The following FOXO3 variants were observed in gnomAD, a reference collection of about 807,000 sequenced individuals.
FOXO3 encodes forkhead box protein O3.
Under a neutral mutation model 41.9 loss-of-function variants are expected in FOXO3, and 4 were observed. The observed-to-expected ratio is 0.10, with a 90% CI of 0.05 to 0.22. The LOEUF is 0.22. FOXO3 is among the 10% of genes least tolerant of loss of function. The pLI, the probability that FOXO3 is intolerant of heterozygous loss-of-function variation, is 1.00. For synonymous variants in FOXO3, 318 were observed against 389.3 expected (o/e 0.82, Z 2.16); for missense variants, 534 against 906.8 (o/e 0.59, Z 5.28).
chr6:108,658,977 C>T lies in FOXO3; in HGVS notation c.622-4478C>T, dbSNP rs1224895757. Among the ~76,000 whole-genome samples, 3 of 152,244 alleles carry T rather than the reference C, an allele frequency of 2.0e-5. No individual in the cohort carries two copies. The South Asian group carries it at 6.2e-4, about 32-fold the overall frequency. The stretch of plus-strand genomic sequence containing the variant: ...ACAGCTCACTGCAGCCTCAGCCTCC[C>T]AGGCACAAGTGATCCTCCCACCTCA... On this transcript the variant is annotated intron_variant, in intron 1 of 2. Coordinates refer to ENST00000406360, the MANE Select transcript of FOXO3 (RefSeq NM_001455.4).
At chr6:108,579,005 T>A (rs1776337814) in intron 1 of FOXO3, among the ~76,000 whole-genome samples, 1 of 152,214 alleles carries the variant, frequency 6.6e-6, no homozygotes, top group Non-Finnish European at 1.5e-5. Flanking sequence ...GCTAGCTATA[T>A]CAAACCTAGC....
chr6:108,594,431 A>G (rs1776817544), intron 1 of FOXO3, among the ~76,000 whole-genome samples: 1 of 152,168 alleles, frequency 6.6e-6, no homozygotes, highest in Non-Finnish European at 1.5e-5. Context: ...TCTTATTTGT[A>G]GAATAAAGGT....
chr6:108,672,166 G>C (rs562450660), intron 2 of FOXO3, among the ~76,000 whole-genome samples: 2 of 152,206 alleles, frequency 1.3e-5, no homozygotes, highest in South Asian at 4.1e-4. Context: ...GCCACTCAGA[G>C]AGATAAAGAG....
At chr6:108,618,592 G>A (rs775217267) in intron 1 of FOXO3, among the ~76,000 whole-genome samples, 3 of 152,234 alleles carry the variant, frequency 2.0e-5, no homozygotes, top group African/African-American at 4.8e-5. Context: ...CTTATCTGCC[G>A]TAAGGCAGTA....
At chr6:108,568,653 G>A (rs1336571517) in intron 1 of FOXO3, among the ~76,000 whole-genome samples, 2 of 152,114 alleles carry the variant, frequency 1.3e-5, no homozygotes, top group African/African-American at 4.8e-5. Context: ...CTTAGTTCTG[G>A]GGCTGTGACT....
intron 1 of FOXO3, among the ~76,000 whole-genome samples, chr6:108,610,129 T>TA (rs1298285662): frequency 1.3e-5 from 2 of 152,226 alleles, no homozygotes; most frequent in Admixed American, 6.5e-5. Flanking sequence ...AATGGCTATT[T>TA]AAAATCGTTG....
At chr6:108,601,553 C>G (rs561786212) in intron 1 of FOXO3, among the ~76,000 whole-genome samples, 1 of 152,208 alleles carries the variant, frequency 6.6e-6, no homozygotes, top group African/African-American at 2.4e-5. Flanking sequence ...ATCCACCTGC[C>G]TTGGCCTCCC....
chr6:108,581,110 G>A (rs1217339498), intron 1 of FOXO3, among the ~76,000 whole-genome samples: 1 of 152,214 alleles, frequency 6.6e-6, no homozygotes, highest in Non-Finnish European at 1.5e-5. Context: ...ATCATCTTTT[G>A]TTGAACAGCG....
rs1333454644 is a variant in FOXO3 at position 108,681,323 on chromosome 6, T to G, written c.*1531T>G. On this transcript the variant is annotated 3_prime_UTR_variant, in exon 3 of 3. Coordinates refer to ENST00000406360, the MANE Select transcript of FOXO3 (RefSeq NM_001455.4). ...CATATAAATGTATAAATATATTTTA[T>G]CATGTACAGTACAAAAATGGAACCT... 6.5e-6 allele frequency: 1 copy of G among 152,728 alleles called. No individual in the cohort carries two copies. Among genetic ancestry groups the G allele is most frequent in the Non-Finnish European group, 1.5e-5 (1 of 68,052 alleles). 9.5% of individuals were successfully genotyped at this position (152,728 alleles called of 1,614,324 possible). A position where few individuals can be genotyped will look rare whatever the true frequency, so the allele number is the denominator to read the frequency against.
rs561374217 is a variant in FOXO3 at position 108,590,549 on chromosome 6, G to A, written c.621+28720G>A. Among the ~76,000 whole-genome samples the A allele has an allele frequency of 5.3e-5, 8 of 152,256 alleles. No homozygotes were observed. In the South Asian group the frequency reaches 1.7e-3, roughly 32 times the overall value. ...AAGTGAATTTCCTGTTTAAACCTGG[G>A]TCGTATCCCTAAGATATTTTATTAT... On this transcript the variant is annotated intron_variant, in intron 1 of 2. Transcript: ENST00000406360.
intron 2 of FOXO3, among the ~76,000 whole-genome samples, chr6:108,670,897 G>C (rs185612625): frequency 1.8e-4 from 27 of 152,356 alleles, no homozygotes; most frequent in African/African-American, 6.3e-4. Context: ...GTTGGTAGAA[G>C]TGCTCAAGAA....
At position 108,658,199 on chromosome 6, in the gene FOXO3, A is replaced by G. The variant is rs192076176; in HGVS notation, c.622-5256A>G. 6.3e-4 allele frequency among the ~76,000 whole-genome samples: 96 copies of G among 152,310 alleles called. 1 individual carries two copies. The highest frequency in any genetic ancestry group is 1.8e-4 in the Non-Finnish European group (12 of 68,036). On this transcript the variant is annotated intron_variant, in intron 1 of 2. Transcript: ENST00000406360. ...GGGTAACTGGGCGTTTGAACTGGAA[A>G]TGGACAGATGAGCCATATTTGTTGG...
intron 1 of FOXO3, among the ~76,000 whole-genome samples, chr6:108,563,755 T>A (rs187715328): frequency 6.6e-6 from 1 of 152,328 alleles, no homozygotes; most frequent in African/African-American, 2.4e-5. Flanking sequence ...TTTCTTGTTA[T>A]TTTGTTTATA....
intron 1 of FOXO3, among the ~76,000 whole-genome samples, chr6:108,614,135 C>T (rs1274396378): frequency 6.6e-6 from 1 of 152,022 alleles, no homozygotes; most frequent in African/African-American, 2.4e-5. Flanking sequence ...TATTGTCTAT[C>T]TTATTGAATG....
At chr6:108,656,885 A>C (rs1187653755) in intron 1 of FOXO3, among the ~76,000 whole-genome samples, 1 of 152,256 alleles carries the variant, frequency 6.6e-6, no homozygotes, top group African/African-American at 2.4e-5. Flanking sequence ...TCTTCATTAT[A>C]ACAAGAAAAA....
chr6:108,636,337 T>C (rs889088867), intron 1 of FOXO3, among the ~76,000 whole-genome samples: 9 of 152,218 alleles, frequency 5.9e-5, no homozygotes, highest in African/African-American at 2.2e-4. Flanking sequence ...TTCTTTGGCA[T>C]TTATTCACTA....
chr6:108,616,169 T>G lies in FOXO3; in HGVS notation c.622-47286T>G, dbSNP rs951175577. The stretch of plus-strand genomic sequence containing the variant: ...CGCCCAACTAAGGTTTTTTTTTTTT[T>G]TTTTTTTTTTTTTGAGATAGAGTCT... On this transcript the variant is annotated intron_variant, in intron 1 of 2. Coordinates refer to ENST00000406360, the MANE Select transcript of FOXO3 (RefSeq NM_001455.4). Among the ~76,000 whole-genome samples the G allele has an allele frequency of 4.3e-5, 6 of 138,960 alleles. No homozygotes were observed. The South Asian group carries it at 7.3e-4, about 17-fold the overall frequency. 91.2% of individuals were successfully genotyped at this position (138,960 alleles called of 152,430 possible). A position where few individuals can be genotyped will look rare whatever the true frequency, so the allele number is the denominator to read the frequency against.
chr6:108,666,372 G>A (rs1395727668), intron 2 of FOXO3, among the ~76,000 whole-genome samples: 1 of 149,846 alleles, frequency 6.7e-6, no homozygotes, highest in East Asian at 1.9e-4. Flanking sequence ...GTCTTGCTCT[G>A]TCTCCCAGGC....
intron 1 of FOXO3, among the ~76,000 whole-genome samples, chr6:108,646,384 A>G (rs1430997608): frequency 6.6e-6 from 1 of 152,236 alleles, no homozygotes; most frequent in East Asian, 1.9e-4. Context: ...TACTAAGTCA[A>G]AGGTTGTGTG....
Sources: allele counts gnomAD v4.1 joint callset (sites outside exome capture counted in the v4.1 genomes callset), GRCh38; gene constraint gnomAD v4.1.1; transcripts MANE v1.5; gene names NCBI Gene and HGNC (gene_info 2026-07-23, HGNC 2026-07-21).